Variants in P2RX5 observed in about 807,000 individuals in gnomAD.
P2RX5 encodes P2X purinoceptor 5.
P2RX5 carries 46 observed loss-of-function variants against 54.1 expected under a neutral mutation model. That is an observed-to-expected ratio of 0.85 (90% CI 0.67 to 1.09). The LOEUF (loss-of-function observed/expected upper bound fraction) is 1.09. Among genes scored for constraint, P2RX5 ranks in the 50% least tolerant of loss-of-function variants. The pLI, the probability that P2RX5 is intolerant of heterozygous loss-of-function variation, is 0.00. For synonymous variants in P2RX5, 226 were observed against 226.4 expected, an observed-to-expected ratio of 1.00 and a Z score of 0.02; for missense variants, 566 against 549.8, an observed-to-expected ratio of 1.03 and a Z score of -0.29.
chr17:3,677,739 C>G (rs1031236839), intron 11 of P2RX5: 1 of 985,178 alleles, frequency 1.0e-6, no homozygotes, highest in South Asian at 4.7e-5. Context: ...ACACAGCATG[C>G]GTCAATACAT....
At chr17:3,701,763 T>TG in the P2RX5 span, among the ~76,000 whole-genome samples, 20 of 117,374 alleles carry the variant, frequency 1.7e-4, no homozygotes, top group South Asian at 9.5e-4. Flanking sequence ...TTTTTTTTGT[T>TG]TTTTTTTTTT....
At chr17:3,715,030 C>A in the P2RX5 span, 1 of 711,066 alleles carries the variant, frequency 1.4e-6, no homozygotes, top group South Asian at 1.6e-5. Context: ...GCCTAAATAG[C>A]CCCTATATTC....
At chr17:3,711,368 T>A in the P2RX5 span, among the ~76,000 whole-genome samples, 3 of 125,856 alleles carry the variant, frequency 2.4e-5, no homozygotes, top group Non-Finnish European at 5.0e-5. Context: ...CCAGCACTCA[T>A]TCTTTTTTTT....
intron 9 of P2RX5, chr17:3,682,885 G>C (rs1158249233): frequency 6.6e-6 from 1 of 152,158 alleles, no homozygotes; most frequent in African/African-American, 2.4e-5. Context: ...AATTAGCTGG[G>C]CGTGGTGGCG....
the P2RX5 span, among the ~76,000 whole-genome samples, chr17:3,711,686 A>ATTATTTAT: frequency 6.9e-6 from 1 of 145,700 alleles, no homozygotes; most frequent in Admixed American, 6.9e-5. Flanking sequence ...GCCCGGCCTC[A>ATTATTTAT]TTATTTATTT....
intron 8 of P2RX5, 128 bp downstream of exon 8, chr17:3,688,498 G>A (rs2143000112): frequency 2.0e-6 from 2 of 1,013,588 alleles, no homozygotes. Flanking sequence ...CCTCTCCTGG[G>A]CCATCTGTCC....
intron 11 of P2RX5, among the ~76,000 whole-genome samples, chr17:3,678,523 G>A (rs1292459619): frequency 6.6e-6 from 1 of 152,190 alleles, no homozygotes; most frequent in East Asian, 1.9e-4. Context: ...GGGCTGCCAG[G>A]CTCTGGGTCT....
Position 3,695,916 on chromosome 17 carries a change from G to T in P2RX5, c.90C>A (p.Gly30=), listed in dbSNP as rs1234410967. The stretch of plus-strand genomic sequence containing the variant: ...AGGCCTGCAGCAGCCGGTACAGCAG[G>T]CCCACCTTCTTGTTCTTGGCGATGA... ...KYVIAKNKKV[G]LLYRLLQASI... The change falls in exon 1 of 12, where the codon GGC becomes GGA. Residue 30 remains glycine (G), a synonymous_variant. Transcript: ENST00000225328. The T allele has an allele frequency of 6.2e-7, 1 of 1,614,150 alleles. No individual in the cohort carries two copies. Among genetic ancestry groups the T allele is most frequent in the East Asian group, 2.2e-5 (1 of 44,888 alleles).
Position 3,673,526 on chromosome 17 carries a change from G to A in P2RX5, c.*342C>T, listed in dbSNP as rs1183678932. The A allele has an allele frequency of 1.6e-6, 2 of 1,274,568 alleles. No homozygotes were observed. The highest frequency in any genetic ancestry group is 1.5e-5 in the African/African-American group (1 of 66,032). 79.0% of individuals were successfully genotyped at this position (1,274,568 alleles called of 1,614,324 possible). A position where few individuals can be genotyped will look rare whatever the true frequency, so the allele number is the denominator to read the frequency against. On this transcript the variant is annotated 3_prime_UTR_variant, in exon 12 of 12. Transcript: ENST00000225328. ...GTGAGGTAATCTAGGAACTCTACAG[G>A]GCACTGCGGTCCTTAGCTGAGGTGC...
chr17:3,720,227 G>A, the P2RX5 span: 3 of 704,782 alleles, frequency 4.3e-6, no homozygotes, highest in Non-Finnish European at 5.2e-6. Context: ...CAGGAAGAGG[G>A]CAACAGAATG....
At chr17:3,699,095 C>CACATATA (rs60173844), upstream of P2RX5, among the ~76,000 whole-genome samples, 813 of 100,232 alleles carry the variant, frequency 8.1e-3, 10 homozygotes, top group Non-Finnish European at 0.011. Context: ...ACACACACAC[C>CACATATA]TATATATATA....
chr17:3,691,064 G>C, intron 2 of P2RX5, 37 bp from the exon 3 acceptor site: 1 of 1,472,838 alleles, frequency 6.8e-7, no homozygotes, highest in Non-Finnish European at 9.5e-7. Context: ...ACCTCCTCCT[G>C]CCCCTTAGGG....
intron 4 of P2RX5, 39 bp from the exon 5 acceptor site, chr17:3,690,562 A>G: frequency 1.2e-6 from 2 of 1,611,254 alleles, no homozygotes; most frequent in Non-Finnish European, 8.5e-7. Flanking sequence ...GGAGCCTCCC[A>G]CTCCGAGTCC....
the P2RX5 span, among the ~76,000 whole-genome samples, chr17:3,722,756 T>C: frequency 1.3e-5 from 2 of 152,114 alleles, no homozygotes; most frequent in Non-Finnish European, 2.9e-5. Flanking sequence ...ATGAAAAAAG[T>C]ATGGATTTTA....
At chr17:3,716,869 TA>T in the P2RX5 span, 1 of 871,658 alleles carries the variant, frequency 1.1e-6, no homozygotes, top group Non-Finnish European at 1.9e-6. Context: ...CATGTTATTT[TA>T]AGGAGCAAAA....
chr17:3,709,751 A>G, the P2RX5 span, among the ~76,000 whole-genome samples: 1 of 152,132 alleles, frequency 6.6e-6, no homozygotes, highest in Non-Finnish European at 1.5e-5. Context: ...TCTACTAAAA[A>G]TGCAAAAATT....
chr17:3,703,371 T>C, the P2RX5 span, among the ~76,000 whole-genome samples: 1 of 151,688 alleles, frequency 6.6e-6, no homozygotes. Flanking sequence ...ACAAAAAACA[T>C]TAAAAAATTA....
the P2RX5 span, among the ~76,000 whole-genome samples, chr17:3,707,533 C>A: frequency 1.8e-4 from 27 of 152,256 alleles, 1 homozygote; most frequent in South Asian, 5.6e-3. Flanking sequence ...CTCATTCATC[C>A]CAGCACTCCA....
the P2RX5 span, chr17:3,720,275 T>C: frequency 1.9e-6 from 2 of 1,048,076 alleles, no homozygotes; most frequent in Admixed American, 1.7e-5. Context: ...CAATTTTCCT[T>C]GGGCACTACT....
Sources: allele counts gnomAD v4.1 joint callset (sites outside exome capture counted in the v4.1 genomes callset), GRCh38; gene constraint gnomAD v4.1.1; transcripts MANE v1.5; gene names NCBI Gene and HGNC (gene_info 2026-07-23, HGNC 2026-07-21).